Variants in TFAP2B observed in about 807,000 individuals in gnomAD.
TFAP2B encodes the protein transcription factor AP-2 beta.
Under a neutral mutation model 44.3 loss-of-function variants are expected in TFAP2B, and 9 were observed. That is an observed-to-expected ratio of 0.20 (90% CI 0.12 to 0.35). The LOEUF (loss-of-function observed/expected upper bound fraction) is 0.35. Ranked by LOEUF, TFAP2B falls within the 10% of genes least tolerant of loss-of-function variation. The pLI is 1.00. For synonymous variants in TFAP2B, 270 were observed against 263.8 expected (o/e 1.02, Z -0.23); for missense variants, 509 against 600.0 (o/e 0.85, Z 1.59).
At chr6:50,837,120 T>A (rs1736673945) in intron 4 of TFAP2B, among the ~76,000 whole-genome samples, 1 of 152,226 alleles carries the variant, frequency 6.6e-6, no homozygotes, top group Admixed American at 6.5e-5. Flanking sequence ...ACAGTCCTTT[T>A]CTTTCCTAAA....
At chr6:50,824,394 G>T (rs191514477) in intron 2 of TFAP2B, among the ~76,000 whole-genome samples, 107 of 152,318 alleles carry the variant, frequency 7.0e-4, no homozygotes, top group African/African-American at 2.4e-3. Flanking sequence ...ATGACAATGA[G>T]CTCTGATCAT....
Position 50,843,224 on chromosome 6 carries a change from C to T in TFAP2B, c.1215C>T (p.Phe405=), listed in dbSNP as rs1381165532. The change falls in exon 7 of 7, where the codon TTC becomes TTT. Residue 405 remains phenylalanine, a synonymous_variant. Coordinates refer to ENST00000393655, the MANE Select transcript of TFAP2B (RefSeq NM_003221.4). ...LTHFSLITHG[F]GAPAICAALT... ...ACTTCAGCCTCATCACGCACGGCTT[C>T]GGCGCCCCGGCCATTTGCGCCGCGC... is the stretch of plus-strand genomic sequence containing the variant. 3.1e-6 allele frequency: 5 copies of T among 1,614,088 alleles called. No individual in the cohort carries two copies. Among genetic ancestry groups the T allele is most frequent in the Middle Eastern group, 1.6e-4 (1 of 6,084 alleles).
intron 6 of TFAP2B, among the ~76,000 whole-genome samples, chr6:50,841,489 A>C (rs1469232129): frequency 6.6e-6 from 1 of 152,126 alleles, no homozygotes; most frequent in Non-Finnish European, 1.5e-5. Context: ...CTTTAGGGAA[A>C]AAAATAAAAC....
chr6:50,823,976 C>T, intron 2 of TFAP2B, 111 bp downstream of exon 2: 1 of 1,219,744 alleles, frequency 8.2e-7, no homozygotes, highest in Non-Finnish European at 1.2e-6. Flanking sequence ...GGAGTTTGTT[C>T]CCATGTTTAG....
chr6:50,825,420 T>C (rs149434654), intron 2 of TFAP2B, among the ~76,000 whole-genome samples: 2 of 152,326 alleles, frequency 1.3e-5, no homozygotes, highest in Admixed American at 6.5e-5. Flanking sequence ...TTACTGTTGA[T>C]GATGCTAATG....
chr6:50,822,111 A>T, intron 1 of TFAP2B: 1 of 1,302,386 alleles, frequency 7.7e-7, no homozygotes, highest in Non-Finnish European at 1.0e-6. Flanking sequence ...GATTTTGAGC[A>T]GTAACCAGGC....
rs1397197837 is a variant in TFAP2B at position 50,845,602 on chromosome 6, C to A, written c.*2210C>A. ...TCTCTTTTCCCAGCTCAGAGGCCTG[C>A]GCCTTCGTCCGAGAGCTCGGCCGAT... On this transcript the variant is annotated 3_prime_UTR_variant, in exon 7 of 7. Coordinates refer to ENST00000393655, the MANE Select transcript of TFAP2B (RefSeq NM_003221.4). 6.5e-6 allele frequency: 1 copy of A among 152,792 alleles called. No homozygotes were observed. Among genetic ancestry groups the A allele is most frequent in the Admixed American group, 6.5e-5 (1 of 15,284 alleles). The allele number at this position is 152,792 out of a possible 1,614,324, so 9.5% of individuals were successfully genotyped here. A position where few individuals can be genotyped will look rare whatever the true frequency, so the allele number is the denominator to read the frequency against.
chr6:50,826,014 T>G (rs1770494201), intron 2 of TFAP2B, among the ~76,000 whole-genome samples: 1 of 152,124 alleles, frequency 6.6e-6, no homozygotes, highest in Admixed American at 6.5e-5. Flanking sequence ...GGGGTTATGT[T>G]TCCAGGACCA....
At chr6:50,826,570 C>A (rs1192015259) in intron 2 of TFAP2B, among the ~76,000 whole-genome samples, 2 of 139,816 alleles carry the variant, frequency 1.4e-5, no homozygotes, top group African/African-American at 5.5e-5. Context: ...TGCATGAGCG[C>A]GCGCGCGCGC....
chr6:50,843,043 G>A, intron 6 of TFAP2B, 49 bp from the exon 7 acceptor site: 1 of 1,612,598 alleles, frequency 6.2e-7, no homozygotes, highest in Non-Finnish European at 8.5e-7. Context: ...TAATGCCAAT[G>A]ACAACGACAC....
At chr6:50,831,408 C>T (rs546068193) in intron 3 of TFAP2B, among the ~76,000 whole-genome samples, 1 of 152,260 alleles carries the variant, frequency 6.6e-6, no homozygotes, top group South Asian at 2.1e-4. Flanking sequence ...TCTTAGCTGC[C>T]CCATTAGAGC....
At chr6:50,824,676 C>G (rs1231538423) in intron 2 of TFAP2B, among the ~76,000 whole-genome samples, 2 of 152,196 alleles carry the variant, frequency 1.3e-5, no homozygotes, top group Admixed American at 1.3e-4. Context: ...AGTTGAGAGG[C>G]ATCACGTGTT....
intron 2 of TFAP2B, among the ~76,000 whole-genome samples, chr6:50,826,851 C>A (rs1770523141): frequency 6.6e-6 from 1 of 152,152 alleles, no homozygotes. Context: ...CTTAAAGCAA[C>A]CCCTGGTATC....
chr6:50,824,238 C>A (rs1770442126), intron 2 of TFAP2B, among the ~76,000 whole-genome samples: 1 of 152,194 alleles, frequency 6.6e-6, no homozygotes, highest in Non-Finnish European at 1.5e-5. Flanking sequence ...CCTTCTTTAC[C>A]AACACACACA....
chr6:50,824,294 C>T (rs944721149), intron 2 of TFAP2B, among the ~76,000 whole-genome samples: 1 of 152,198 alleles, frequency 6.6e-6, no homozygotes, highest in Non-Finnish European at 1.5e-5. Flanking sequence ...GAAGACCTGG[C>T]TGCCTAGAGG....
chr6:50,819,083 C>A (rs1561955869), intron 1 of TFAP2B, 111 bp downstream of exon 1: 1 of 1,124,484 alleles, frequency 8.9e-7, no homozygotes, highest in South Asian at 1.3e-5. Context: ...GATTTCCGGT[C>A]GGTTTTCTCA....
intron 2 of TFAP2B, among the ~76,000 whole-genome samples, chr6:50,828,219 C>T (rs1025713728): frequency 6.6e-6 from 1 of 152,126 alleles, no homozygotes; most frequent in African/African-American, 2.4e-5. Context: ...TGTAAAATGG[C>T]TCTGGGGTTA....
At chr6:50,821,686 CA>C (rs1490282002) in intron 1 of TFAP2B, 1 of 158,192 alleles carries the variant, frequency 6.3e-6, no homozygotes, top group African/African-American at 2.4e-5. Flanking sequence ...ACGTCATTTA[CA>C]ATAGTAGGGG....
chr6:50,822,632 C>G (rs1770384494), intron 1 of TFAP2B, among the ~76,000 whole-genome samples: 1 of 152,180 alleles, frequency 6.6e-6, no homozygotes, highest in Non-Finnish European at 1.5e-5. Context: ...CCTTCATTTT[C>G]ACATCCTGAG....
Sources: gnomAD v4.1 joint callset for allele counts (sites outside exome capture counted in the v4.1 genomes callset) on GRCh38, gnomAD v4.1.1 for gene constraint, MANE v1.5 for transcripts, NCBI Gene and HGNC (gene_info 2026-07-23, HGNC 2026-07-21) for gene names.